The following TMEM132B variants were observed in gnomAD, a reference collection of about 807,000 sequenced individuals.
TMEM132B encodes the protein transmembrane protein 132B.
A neutral mutation model predicts 90.8 loss-of-function variants in TMEM132B; 18 were observed. That is an observed-to-expected ratio of 0.20 (90% CI 0.14 to 0.29). TMEM132B has a LOEUF of 0.29. TMEM132B is among the 10% of genes least tolerant of loss of function. TMEM132B has a pLI of 1.00. For missense variants in TMEM132B, 1,096 were observed against 1,326.8 expected, an observed-to-expected ratio of 0.83 and a Z score of 2.70; for synonymous variants, 504 against 523.3, an observed-to-expected ratio of 0.96 and a Z score of 0.50.
At chr12:125,413,240 G>A (rs1879908216) in intron 2 of TMEM132B, among the ~76,000 whole-genome samples, 1 of 151,912 alleles carries the variant, frequency 6.6e-6, no homozygotes, top group African/African-American at 2.4e-5. Context: ...TAGGTGTTTT[G>A]GTTTGATTTT....
At chr12:125,594,459 T>C (rs1762138479) in intron 5 of TMEM132B, among the ~76,000 whole-genome samples, 1 of 152,240 alleles carries the variant, frequency 6.6e-6, no homozygotes, top group Admixed American at 6.5e-5. Flanking sequence ...GCTGCCAAAC[T>C]GTTTTCTAAA....
intron 1 of TMEM132B, among the ~76,000 whole-genome samples, chr12:125,340,250 C>T (rs146452619): frequency 6.6e-6 from 1 of 152,222 alleles, no homozygotes; most frequent in Non-Finnish European, 1.5e-5. Flanking sequence ...TGTGTGCGCA[C>T]CCTGACACAA....
intron 1 of TMEM132B, among the ~76,000 whole-genome samples, chr12:125,241,483 A>G (rs1874067018): frequency 6.6e-6 from 1 of 152,006 alleles, no homozygotes; most frequent in African/African-American, 2.4e-5. Flanking sequence ...CAGGCCCTGG[A>G]CCCCCTGTTT....
intron 1 of TMEM132B, among the ~76,000 whole-genome samples, chr12:125,207,036 A>G (rs1873201956): frequency 6.6e-6 from 1 of 152,154 alleles, no homozygotes; most frequent in Admixed American, 6.6e-5. Flanking sequence ...GGTGGAAGGA[A>G]CGTTTACCAA....
chr12:125,539,689 T>C (rs1288886575), intron 4 of TMEM132B, among the ~76,000 whole-genome samples: 1 of 152,232 alleles, frequency 6.6e-6, no homozygotes, highest in Non-Finnish European at 1.5e-5. Context: ...ATGTCTAGAC[T>C]CTCTAGTGAT....
intron 5 of TMEM132B, among the ~76,000 whole-genome samples, chr12:125,613,997 G>T (rs1301512122): frequency 6.6e-6 from 1 of 151,768 alleles, no homozygotes. Context: ...CATGTTATTG[G>T]CCCAACAATA....
At chr12:125,599,799 G>A (rs1271268429) in intron 5 of TMEM132B, among the ~76,000 whole-genome samples, 1 of 152,174 alleles carries the variant, frequency 6.6e-6, no homozygotes, top group Non-Finnish European at 1.5e-5. Flanking sequence ...TTCAGCTGTG[G>A]AAGGGAAGTA....
At chr12:125,494,286 T>C (rs1593173696) in intron 3 of TMEM132B, among the ~76,000 whole-genome samples, 4 of 91,056 alleles carry the variant, frequency 4.4e-5, no homozygotes, top group Non-Finnish European at 6.3e-5. Context: ...GCATCCCTCC[T>C]CCCCCTCCTC....
At chr12:125,517,655 G>A (rs1021463813) in intron 3 of TMEM132B, among the ~76,000 whole-genome samples, 1 of 152,132 alleles carries the variant, frequency 6.6e-6, no homozygotes, top group Non-Finnish European at 1.5e-5. Context: ...ATGATTTTGA[G>A]ATCATCACAG....
chr12:125,272,539 T>C (rs1874867045), intron 1 of TMEM132B, among the ~76,000 whole-genome samples: 1 of 152,130 alleles, frequency 6.6e-6, no homozygotes, highest in Non-Finnish European at 1.5e-5. Context: ...GGAGATGTCC[T>C]GCACTGCTCG....
At chr12:125,575,056 T>TTA in intron 4 of TMEM132B, among the ~76,000 whole-genome samples, 1 of 11,064 alleles carries the variant, frequency 9.0e-5, no homozygotes, top group African/African-American at 2.6e-4. Flanking sequence ...CTATTAGCTG[T>TTA]CATATATATA....
intron 1 of TMEM132B, among the ~76,000 whole-genome samples, chr12:125,308,468 G>T (rs182905198): frequency 1.1e-4 from 17 of 152,270 alleles, no homozygotes; most frequent in African/African-American, 4.1e-4. Context: ...TTATCTGACT[G>T]AGTGCTTAGC....
At chr12:125,189,749 A>G (rs776404178) in intron 1 of TMEM132B, among the ~76,000 whole-genome samples, 12 of 152,022 alleles carry the variant, frequency 7.9e-5, no homozygotes, top group Non-Finnish European at 1.3e-4. Context: ...AACAATGAGC[A>G]CGGTGGTTGC....
chr12:125,531,705 C>T (rs1353122362), intron 4 of TMEM132B, among the ~76,000 whole-genome samples: 2 of 152,224 alleles, frequency 1.3e-5, no homozygotes, highest in African/African-American at 4.8e-5. Context: ...GCCATAACCT[C>T]AGTTATATAC....
At chr12:125,315,371 G>A (rs1876238224) in intron 1 of TMEM132B, among the ~76,000 whole-genome samples, 1 of 152,154 alleles carries the variant, frequency 6.6e-6, no homozygotes, top group Non-Finnish European at 1.5e-5. Context: ...GCTGATTTTT[G>A]TATTTTTAGT....
chr12:125,546,915 G>A (rs1039637224), intron 4 of TMEM132B, among the ~76,000 whole-genome samples: 1 of 152,218 alleles, frequency 6.6e-6, no homozygotes, highest in Admixed American at 6.5e-5. Flanking sequence ...GGCTGGGGAA[G>A]CCTCAGGAAA....
chr12:125,366,347 A>G (rs1201952089), intron 2 of TMEM132B, among the ~76,000 whole-genome samples: 1 of 152,202 alleles, frequency 6.6e-6, no homozygotes, highest in Non-Finnish European at 1.5e-5. Context: ...GCAGGAGTGC[A>G]GATATCTCTT....
chr12:125,541,040 C>A (rs1203348282), intron 4 of TMEM132B, among the ~76,000 whole-genome samples: 1 of 152,220 alleles, frequency 6.6e-6, no homozygotes, highest in Non-Finnish European at 1.5e-5. Flanking sequence ...TCTCTTCCTC[C>A]AGATGTCTAC....
rs189492417 is a variant in TMEM132B, at chr12:125,546,305, C to T, written c.1293+26680C>T. Among the ~76,000 whole-genome samples the T allele has an allele frequency of 7.8e-4, 119 of 152,198 alleles. 2 individuals are homozygous for T. The highest frequency in any genetic ancestry group is 5.3e-4 in the Non-Finnish European group (36 of 68,020). Reference sequence around the variant, plus strand: ...TCATGCCATTCTCCTGCCTTAGCCTCCCAAGTAGCTGGGACTACAGGCACC... The same window carrying T: ...TCATGCCATTCTCCTGCCTTAGCCTTCCAAGTAGCTGGGACTACAGGCACC... On this transcript the variant is annotated intron_variant, in intron 4 of 8. Transcript: ENST00000682704.
Sources: gnomAD v4.1 joint callset for allele counts (sites outside exome capture counted in the v4.1 genomes callset) on GRCh38, gnomAD v4.1.1 for gene constraint, MANE v1.5 for transcripts, NCBI Gene and HGNC (gene_info 2026-07-23, HGNC 2026-07-21) for gene names.